The following CDC27 variants were observed in gnomAD, a reference collection of about 807,000 sequenced individuals.
The protein encoded by CDC27 is cell division cycle 27, also known as cell division cycle protein 27 homolog.
In CDC27, 27 loss-of-function variants were observed where a neutral mutation model predicts 109.7. That is an observed-to-expected ratio of 0.25 (90% CI 0.18 to 0.34). The LOEUF (loss-of-function observed/expected upper bound fraction) is 0.34, where lower values mean the gene tolerates loss of function less well. Ranked by LOEUF, CDC27 falls within the 10% of genes least tolerant of loss-of-function variation. The pLI is 1.00. For synonymous variants in CDC27, 266 were observed against 333.9 expected, an observed-to-expected ratio of 0.80 and a Z score of 2.22; for missense variants, 579 against 960.2, an observed-to-expected ratio of 0.60 and a Z score of 5.25.
At chr17:47,147,356 G>A (rs988169575) in intron 9 of CDC27, among the ~76,000 whole-genome samples, 30 of 150,602 alleles carry the variant, frequency 2.0e-4, no homozygotes, top group South Asian at 1.9e-3. Flanking sequence ...TCGAGATCGC[G>A]CCACTGCACT....
intron 10 of CDC27, among the ~76,000 whole-genome samples, chr17:47,143,405 A>G (rs2062858134): frequency 6.6e-6 from 1 of 152,206 alleles, no homozygotes; most frequent in Non-Finnish European, 1.5e-5. Context: ...AAGACCTTAC[A>G]TGGATTTCAT....
intron 1 of CDC27, among the ~76,000 whole-genome samples, chr17:47,186,396 TATTAA>T (rs1448059215): frequency 7.0e-4 from 106 of 152,344 alleles, no homozygotes; most frequent in Non-Finnish European, 1.2e-3. Context: ...CTATATTGCT[TATTAA>T]ATTAATTTTC....
rs79998271 is a variant in CDC27 at position 47,151,857 on chromosome 17, C to T, written c.1019G>A (p.Arg340Gln). Residue 340 changes from arginine to glutamine, a missense_variant, in exon 9 of 19, where the codon CGA (arginine) becomes CAA (glutamine). Arg to Gln is a conservative substitution (Grantham distance 43). Coordinates refer to ENST00000066544, the MANE Select transcript of CDC27 (RefSeq NM_001256.6). ...KSVFSQSGNS[R>Q]EVTPILAQTQ... is the part of the protein sequence containing the mutation. ...TTGTGCAAGAATTGGAGTTACCTCTCGGCTATTTCCACTCTGTGAGAAGAC... is the reference window on the plus strand; with the variant it reads ...TTGTGCAAGAATTGGAGTTACCTCTTGGCTATTTCCACTCTGTGAGAAGAC... 3.7e-6 allele frequency: 6 copies of T among 1,605,844 alleles called. No homozygotes were observed. The highest frequency in any genetic ancestry group is 2.7e-5 in the African/African-American group (2 of 74,792).
At chr17:47,159,422 A>C (rs1157063089) in intron 4 of CDC27, 1 of 980,170 alleles carries the variant, frequency 1.0e-6, no homozygotes, top group African/African-American at 1.7e-5. Context: ...CATCGATACC[A>C]GTCATCATGA....
chr17:47,182,047 G>A, intron 1 of CDC27, among the ~76,000 whole-genome samples: 1 of 152,222 alleles, frequency 6.6e-6, no homozygotes, highest in East Asian at 1.9e-4. Context: ...TCATAACATG[G>A]TTATTTGTTA....
intron 9 of CDC27, among the ~76,000 whole-genome samples, chr17:47,150,511 C>G (rs188780826): frequency 4.6e-5 from 7 of 152,218 alleles, no homozygotes; most frequent in African/African-American, 1.7e-4. Context: ...CTGGGGTTAT[C>G]AGAAGCTGGA....
At chr17:47,144,413 AT>A (rs11570512) in intron 9 of CDC27, among the ~76,000 whole-genome samples, 111 of 152,336 alleles carry the variant, frequency 7.3e-4, no homozygotes, top group East Asian at 5.2e-3. Context: ...TAAATCAATT[AT>A]TTTTACCCTT....
At chr17:47,187,359 G>A (rs944107876) in intron 1 of CDC27, among the ~76,000 whole-genome samples, 1 of 151,912 alleles carries the variant, frequency 6.6e-6, no homozygotes, top group Non-Finnish European at 1.5e-5. Flanking sequence ...GGAGTGCAGC[G>A]GGACCATGTC....
chr17:47,136,129 G>A (rs796321722), intron 14 of CDC27, among the ~76,000 whole-genome samples: 1 of 151,944 alleles, frequency 6.6e-6, no homozygotes, highest in Admixed American at 6.6e-5. Context: ...GTGACAGAGC[G>A]AGACTCTGCC....
rs1141701 is a variant in CDC27, at chr17:47,143,907, A to G, written c.1146T>C (p.Phe382=). ...NALPRRSSRL[F]TSDSSTTKEN... ...CCTTGGTTGTGGAGCTGTCACTAGT[A>G]AAGAGTCGTGAACTTCTTCGAGGCA... The change falls in exon 10 of 19, where the codon TTT becomes TTC. Residue 382 remains phenylalanine, a synonymous_variant. Coordinates refer to ENST00000066544, the MANE Select transcript of CDC27 (RefSeq NM_001256.6). 1 of 1,482,280 alleles carries G rather than the reference A, an allele frequency of 6.7e-7. No individual in the cohort carries two copies. Among genetic ancestry groups the G allele is most frequent in the East Asian group, 2.6e-5 (1 of 39,104 alleles). The allele number at this position is 1,482,280 out of a possible 1,614,324, so 91.8% of individuals were successfully genotyped here. A position where few individuals can be genotyped will look rare whatever the true frequency, so the allele number is the denominator to read the frequency against.
intron 4 of CDC27, among the ~76,000 whole-genome samples, chr17:47,167,549 C>T (rs1427539575): frequency 1.3e-5 from 2 of 152,286 alleles, no homozygotes; most frequent in East Asian, 3.9e-4. Flanking sequence ...TAATTATTCT[C>T]TCATTTGAAC....
At chr17:47,158,650 G>C (rs2063394361) in intron 4 of CDC27, among the ~76,000 whole-genome samples, 1 of 150,210 alleles carries the variant, frequency 6.7e-6, no homozygotes. Context: ...ACAAGGTCTG[G>C]CTCTATCATA....
intron 14 of CDC27, among the ~76,000 whole-genome samples, chr17:47,135,788 A>C (rs75841851): frequency 6.6e-6 from 1 of 152,104 alleles, no homozygotes; most frequent in Non-Finnish European, 1.5e-5. Flanking sequence ...TTTAAAAAAA[A>C]AACAACACAA....
At chr17:47,136,098 C>A (rs2062578507) in intron 14 of CDC27, among the ~76,000 whole-genome samples, 1 of 151,996 alleles carries the variant, frequency 6.6e-6, no homozygotes, top group South Asian at 2.1e-4. Flanking sequence ...GCCAAGATGG[C>A]GCCACTGCAC....
chr17:47,161,319 A>T (rs1191419133), intron 4 of CDC27, among the ~76,000 whole-genome samples: 2 of 152,224 alleles, frequency 1.3e-5, no homozygotes, highest in East Asian at 3.8e-4. Context: ...TAAGACTGAC[A>T]TAATCACCCA....
Position 47,120,856 on chromosome 17 carries a change from A to G in CDC27, c.*79T>C. 1.0e-6 allele frequency: 1 copy of G among 1,004,100 alleles called. No individual in the cohort carries two copies. Among genetic ancestry groups the G allele is most frequent in the Non-Finnish European group, 1.6e-6 (1 of 642,542 alleles). 62.2% of individuals were successfully genotyped at this position (1,004,100 alleles called of 1,614,324 possible). ...ACGATGACACCGCCAGCTCAAGAGT[A>G]AAGACTCAGTATACAGAGGGACAAG... On this transcript the variant is annotated 3_prime_UTR_variant, in exon 19 of 19. Transcript: ENST00000066544.
intron 18 of CDC27, among the ~76,000 whole-genome samples, chr17:47,121,731 C>CA (rs2061987699): frequency 7.0e-6 from 1 of 142,238 alleles, no homozygotes; most frequent in Non-Finnish European, 1.5e-5. Flanking sequence ...TCATGCCTGG[C>CA]ATATATATAC....
At chr17:47,173,374 A>C (rs78317389) in intron 2 of CDC27, among the ~76,000 whole-genome samples, 2 of 116,236 alleles carry the variant, frequency 1.7e-5, no homozygotes, top group Non-Finnish European at 3.7e-5. Context: ...CTGCAGCTAC[A>C]AAAAAAAAAA....
chr17:47,149,538 T>TAAAAAAAAAAAAAA, intron 9 of CDC27, among the ~76,000 whole-genome samples: 1 of 147,988 alleles, frequency 6.8e-6, no homozygotes, highest in Admixed American at 6.7e-5. Context: ...AAAGAAATGT[T>TAAAAAAAAAAAAAA]AAAAAGAAGT....
Sources: allele counts gnomAD v4.1 joint callset (sites outside exome capture counted in the v4.1 genomes callset), GRCh38; gene constraint gnomAD v4.1.1; transcripts MANE v1.5; gene names NCBI Gene and HGNC (gene_info 2026-07-23, HGNC 2026-07-21).